FBXO31: variants seen among roughly 807,000 people sequenced by gnomAD.
The protein encoded by FBXO31 is F-box protein 31.
Under a neutral mutation model 54.4 loss-of-function variants are expected in FBXO31, and 24 were observed. The ratio of observed to expected loss-of-function variants is 0.44; its 90% CI spans 0.32 to 0.62. The LOEUF is 0.62. Among genes scored for constraint, FBXO31 ranks in the 20% least tolerant of loss-of-function variants. FBXO31 has a pLI of 0.05. For synonymous variants in FBXO31, 388 were observed against 335.6 expected (o/e 1.16, Z -1.71); for missense variants, 665 against 787.1 (o/e 0.84, Z 1.86).
chr16:87,341,563 G>A (rs1332253835), intron 5 of FBXO31, among the ~76,000 whole-genome samples: 1 of 147,148 alleles, frequency 6.8e-6, no homozygotes, highest in African/African-American at 2.5e-5. Flanking sequence ...GGCTGAGGCA[G>A]TAGAACTGCC....
chr16:87,378,898 C>T (rs957336473), intron 1 of FBXO31, among the ~76,000 whole-genome samples: 1 of 150,182 alleles, frequency 6.7e-6, no homozygotes, highest in East Asian at 2.0e-4. Context: ...GGAGGCGGAG[C>T]TTGCAATGAG....
chr16:87,342,046 A>G (rs1905212282), intron 5 of FBXO31, among the ~76,000 whole-genome samples: 2 of 152,132 alleles, frequency 1.3e-5, no homozygotes, highest in Non-Finnish European at 2.9e-5. Flanking sequence ...ACCCCGTAGC[A>G]TGGTAGCATG....
chr16:87,373,368 C>T (rs1906683294), intron 1 of FBXO31, among the ~76,000 whole-genome samples: 1 of 152,024 alleles, frequency 6.6e-6, no homozygotes, highest in South Asian at 2.1e-4. Context: ...AGGAGAATGG[C>T]GTGAACCCAG....
intron 3 of FBXO31, 42 bp from the exon 4 acceptor site, chr16:87,343,807 G>A (rs1166079133): frequency 6.2e-7 from 1 of 1,609,824 alleles, no homozygotes; most frequent in Non-Finnish European, 8.5e-7. Flanking sequence ...TGGCTCCCGG[G>A]CCAGAGCAAG....
chr16:87,364,963 C>T (rs1407620580), intron 1 of FBXO31, among the ~76,000 whole-genome samples: 2 of 131,216 alleles, frequency 1.5e-5, no homozygotes, highest in African/African-American at 2.9e-5. Flanking sequence ...GCCAAGATAA[C>T]ACCACTGCAA....
chr16:87,378,193 C>T (rs137940182), intron 1 of FBXO31, among the ~76,000 whole-genome samples: 236 of 151,168 alleles, frequency 1.6e-3, no homozygotes, highest in Non-Finnish European at 2.3e-3. Context: ...AGAAATCTAT[C>T]CAGATTACAT....
upstream of FBXO31, among the ~76,000 whole-genome samples, chr16:87,385,283 C>A (rs1044224201): frequency 1.3e-5 from 2 of 152,060 alleles, no homozygotes; most frequent in Non-Finnish European, 2.9e-5. Context: ...ACGGTGAAAC[C>A]CCGTCTCTAC....
At chr16:87,374,674 G>A (rs549672559) in intron 1 of FBXO31, among the ~76,000 whole-genome samples, 4 of 152,304 alleles carry the variant, frequency 2.6e-5, no homozygotes, top group Admixed American at 6.5e-5. Flanking sequence ...CGGAGAAAAC[G>A]GCAAGCTATG....
At chr16:87,370,221 G>A (rs557798967) in intron 1 of FBXO31, among the ~76,000 whole-genome samples, 1 of 152,244 alleles carries the variant, frequency 6.6e-6, no homozygotes, top group Non-Finnish European at 1.5e-5. Flanking sequence ...CTACCCCTGG[G>A]AAGGGAAGAT....
Position 87,335,541 on chromosome 16 carries a change from G to A in FBXO31, c.843-84C>T. 1 of 1,136,196 alleles carries A rather than the reference G, an allele frequency of 8.8e-7. No individual in the cohort carries two copies. Among genetic ancestry groups the A allele is most frequent in the Non-Finnish European group, 1.2e-6 (1 of 805,476 alleles). The allele number at this position is 1,136,196 out of a possible 1,614,324, so 70.4% of individuals were successfully genotyped here. Reference sequence around the variant, plus strand: ...GCCCAAGGTGCCAGGGATGAGCTTTGCAGGGCGGGGTAGGGCGGGCAGCTC... The same window carrying A: ...GCCCAAGGTGCCAGGGATGAGCTTTACAGGGCGGGGTAGGGCGGGCAGCTC... On this transcript the variant is annotated intron_variant, in intron 6 of 8. Transcript: ENST00000311635. This position sits in a 1 kb window ranked among gnomAD's most constrained non-coding sequence, Gnocchi z 5.7.
At chr16:87,378,277 C>G (rs1293938754) in intron 1 of FBXO31, among the ~76,000 whole-genome samples, 1 of 151,956 alleles carries the variant, frequency 6.6e-6, no homozygotes, top group Non-Finnish European at 1.5e-5. Context: ...TCCAAATGAT[C>G]AATAAATATA....
intron 2 of FBXO31, among the ~76,000 whole-genome samples, chr16:87,347,476 T>C (rs1301522844): frequency 6.6e-6 from 1 of 152,042 alleles, no homozygotes; most frequent in Non-Finnish European, 1.5e-5. Flanking sequence ...GTCAGGAGAT[T>C]CAGACCATCC....
At chr16:87,337,360 T>C (rs992913435) in intron 5 of FBXO31, among the ~76,000 whole-genome samples, 4 of 152,238 alleles carry the variant, frequency 2.6e-5, no homozygotes, top group African/African-American at 9.6e-5. Flanking sequence ...AGAGCACTTC[T>C]CTCCAGATTG....
In FBXO31 at chr16:87,335,787, C is replaced by T. The variant is rs895999544; in HGVS notation, c.843-330G>A. On this transcript the variant is annotated intron_variant, in intron 6 of 8. Coordinates refer to ENST00000311635, the MANE Select transcript of FBXO31 (RefSeq NM_024735.5). The surrounding 1 kb of genome is among the most constrained non-coding windows in gnomAD (Gnocchi z 5.7). ...CCCAAGTCACCATGGAGGGGATCCC[C>T]GCACTGGGCTGAGCGGGGCTGAGCT... 4.6e-5 allele frequency among the ~76,000 whole-genome samples: 7 copies of T among 152,118 alleles called. No homozygotes were observed. Among genetic ancestry groups the T allele is most frequent in the African/African-American group, 1.4e-4 (6 of 41,404 alleles).
intron 5 of FBXO31, among the ~76,000 whole-genome samples, chr16:87,342,381 A>G (rs900343399): frequency 6.6e-6 from 1 of 152,140 alleles, no homozygotes; most frequent in African/African-American, 2.4e-5. Flanking sequence ...AGAGGGCAGT[A>G]AGACTTAGAT....
At position 87,383,522 on chromosome 16, in the gene FBXO31, G is replaced by A. The variant is rs1378007859; in HGVS notation, c.223C>T (p.Leu75=). The A allele has an allele frequency of 3.2e-6, 5 of 1,582,660 alleles. No homozygotes were observed. Among genetic ancestry groups the A allele is most frequent in the Non-Finnish European group, 4.3e-6 (5 of 1,168,918 alleles). The change falls in exon 1 of 9, where the codon CTG becomes TTG. Residue 75 remains leucine (L), a synonymous_variant. Transcript: ENST00000311635. This position sits in a 1 kb window ranked among gnomAD's most constrained non-coding sequence, Gnocchi z 4.9. ...GGCAGCGACGCGAAGATCTCCACCA[G>A]CAGCTCGGGCGGCAGCTCCAGCAGC... ...CSLLELPPEL[L]VEIFASLPGT... is the part of the protein sequence containing the mutation.
chr16:87,329,155 G>A lies in FBXO31; in HGVS notation c.*2133C>T, dbSNP rs1477355243. 1.3e-5 allele frequency: 2 copies of A among 152,490 alleles called. No individual in the cohort carries two copies. The highest frequency in any genetic ancestry group is 2.9e-5 in the Non-Finnish European group (2 of 68,266). The allele number at this position is 152,490 out of a possible 1,614,324, so 9.4% of individuals were successfully genotyped here. A position where few individuals can be genotyped will look rare whatever the true frequency, so the allele number is the denominator to read the frequency against. On this transcript the variant is annotated 3_prime_UTR_variant, in exon 9 of 9. Coordinates refer to ENST00000311635, the MANE Select transcript of FBXO31 (RefSeq NM_024735.5). ...AGGGACTGGCTGTGCGGCCAAAAAGGCCTCCCTTTCCTGGCTGTGTGGCTC... is the reference window on the plus strand; with the variant it reads ...AGGGACTGGCTGTGCGGCCAAAAAGACCTCCCTTTCCTGGCTGTGTGGCTC...
intron 1 of FBXO31, among the ~76,000 whole-genome samples, chr16:87,382,547 G>A (rs1907125212): frequency 6.6e-6 from 1 of 152,116 alleles, no homozygotes; most frequent in Admixed American, 6.6e-5. Flanking sequence ...CAAAAGTCCA[G>A]CCCGCACCGC....
At chr16:87,356,214 G>A (rs953741734) in intron 2 of FBXO31, among the ~76,000 whole-genome samples, 2 of 148,868 alleles carry the variant, frequency 1.3e-5, no homozygotes, top group Non-Finnish European at 3.0e-5. Flanking sequence ...GGGTGACAGA[G>A]TGAGACTCCA....
Sources: allele counts gnomAD v4.1 joint callset (sites outside exome capture counted in the v4.1 genomes callset), GRCh38; gene constraint gnomAD v4.1.1; non-coding constraint Gnocchi (gnomAD v3.1); transcripts MANE v1.5; gene names NCBI Gene and HGNC (gene_info 2026-07-23, HGNC 2026-07-21).